Variants in NBEA observed in about 807,000 individuals in gnomAD.
The protein encoded by NBEA is neurobeachin.
NBEA carries 44 observed loss-of-function variants against 343.4 expected under a neutral mutation model. That is an observed-to-expected ratio of 0.13 (90% CI 0.10 to 0.16). The LOEUF is 0.16. NBEA is among the 10% of genes least tolerant of loss of function. NBEA has a pLI of 1.00. For missense variants in NBEA, 2,555 were observed against 3,631.3 expected (o/e 0.70, Z 7.62); for synonymous variants, 1,175 against 1,238.7 (o/e 0.95, Z 1.08).
At chr13:35,165,193 G>A (rs1216671888) in intron 24 of NBEA, 2 of 509,302 alleles carry the variant, frequency 3.9e-6, no homozygotes, top group Non-Finnish European at 8.0e-6. Flanking sequence ...TAGTTGGTGA[G>A]ACACTGTTTC....
At chr13:35,004,568 G>A (rs1035708122) in intron 1 of NBEA, among the ~76,000 whole-genome samples, 3 of 152,164 alleles carry the variant, frequency 2.0e-5, no homozygotes, top group Non-Finnish European at 4.4e-5. Flanking sequence ...TATGCCCTTT[G>A]AGGCTCTAAT....
At chr13:35,203,742 A>G (rs1176877241) in intron 31 of NBEA, among the ~76,000 whole-genome samples, 1 of 152,216 alleles carries the variant, frequency 6.6e-6, no homozygotes, top group East Asian at 1.9e-4. Flanking sequence ...ATTTATTAAA[A>G]TCATATAATC....
At chr13:35,604,574 C>T (rs927689739) in intron 47 of NBEA, among the ~76,000 whole-genome samples, 1 of 151,846 alleles carries the variant, frequency 6.6e-6, no homozygotes, top group Non-Finnish European at 1.5e-5. Context: ...TTTACTTTGT[C>T]ACCCAGTGTC....
chr13:34,960,212 C>T (rs1422724972), intron 1 of NBEA, among the ~76,000 whole-genome samples: 2 of 151,708 alleles, frequency 1.3e-5, no homozygotes, highest in Non-Finnish European at 2.9e-5. Flanking sequence ...TAGTTTTTAA[C>T]ACAAAAGTTT....
At chr13:35,080,965 G>C (rs541888161) in intron 10 of NBEA, among the ~76,000 whole-genome samples, 2 of 152,136 alleles carry the variant, frequency 1.3e-5, no homozygotes, top group Non-Finnish European at 2.9e-5. Flanking sequence ...TCCAATGTCA[G>C]ACCAAAGATG....
chr13:35,113,649 A>G (rs1266541806), intron 13 of NBEA, among the ~76,000 whole-genome samples: 2 of 149,522 alleles, frequency 1.3e-5, no homozygotes, highest in East Asian at 3.9e-4. Context: ...ATCATCTTTT[A>G]TATCAGTATG....
intron 1 of NBEA, among the ~76,000 whole-genome samples, chr13:35,026,517 T>G (rs2062025281): frequency 6.6e-6 from 1 of 152,192 alleles, no homozygotes; most frequent in South Asian, 2.1e-4. Flanking sequence ...CCATACCCAT[T>G]GCAAATCTCA....
chr13:35,489,005 CA>C (rs957457485), intron 41 of NBEA, among the ~76,000 whole-genome samples: 1 of 150,316 alleles, frequency 6.7e-6, no homozygotes, highest in African/African-American at 2.4e-5. Context: ...GTATGGGTGG[CA>C]AAAAAATTGC....
At chr13:35,109,244 T>C in intron 11 of NBEA, 46 bp from the exon 12 acceptor site, 2 of 1,481,236 alleles carry the variant, frequency 1.4e-6, no homozygotes, top group South Asian at 1.4e-5. Flanking sequence ...TTATACAATT[T>C]GATATTCTGG....
intron 38 of NBEA, among the ~76,000 whole-genome samples, chr13:35,397,868 T>G: frequency 6.6e-6 from 1 of 152,194 alleles, no homozygotes; most frequent in Admixed American, 6.6e-5. Flanking sequence ...ACCTTGATGT[T>G]GATGGCTGCT....
intron 10 of NBEA, among the ~76,000 whole-genome samples, chr13:35,079,926 A>G (rs1161918336): frequency 6.6e-6 from 1 of 152,154 alleles, no homozygotes; most frequent in Non-Finnish European, 1.5e-5. Context: ...GTGTCAAGAC[A>G]TACTGCATGG....
At chr13:35,302,460 A>T (rs984281682) in intron 35 of NBEA, among the ~76,000 whole-genome samples, 2 of 152,328 alleles carry the variant, frequency 1.3e-5, no homozygotes, top group African/African-American at 4.8e-5. Context: ...AAATAGCTGA[A>T]GAATTTTGAA....
At chr13:35,178,254 T>C (rs1000893914) in intron 28 of NBEA, among the ~76,000 whole-genome samples, 1 of 151,796 alleles carries the variant, frequency 6.6e-6, no homozygotes, top group Non-Finnish European at 1.5e-5. Flanking sequence ...GTTAAAACTC[T>C]TACAAATCTT....
chr13:35,055,800 A>T (rs2063234832), intron 6 of NBEA, among the ~76,000 whole-genome samples: 1 of 152,102 alleles, frequency 6.6e-6, no homozygotes, highest in Admixed American at 6.6e-5. Context: ...AAGGGGTTGT[A>T]GTTCTTGTCT....
At chr13:35,160,918 T>A (rs2069508515) in intron 22 of NBEA, among the ~76,000 whole-genome samples, 1 of 152,188 alleles carries the variant, frequency 6.6e-6, no homozygotes, top group Non-Finnish European at 1.5e-5. Context: ...CCCACTTGCC[T>A]TTTAATGTCA....
chr13:35,079,102 C>G (rs1388205676), intron 10 of NBEA, among the ~76,000 whole-genome samples: 1 of 151,992 alleles, frequency 6.6e-6, no homozygotes, highest in Non-Finnish European at 1.5e-5. Context: ...CAAAATGACC[C>G]TGTATGAAAT....
At chr13:35,659,182 A>G (rs1158986584) in intron 55 of NBEA, among the ~76,000 whole-genome samples, 1 of 152,180 alleles carries the variant, frequency 6.6e-6, no homozygotes, top group African/African-American at 2.4e-5. Context: ...GTATTAACCT[A>G]TCCTTGACGT....
intron 38 of NBEA, among the ~76,000 whole-genome samples, chr13:35,394,157 G>A (rs539318416): frequency 1.8e-4 from 28 of 152,024 alleles, no homozygotes; most frequent in Non-Finnish European, 3.7e-4. Context: ...ACTTCTTTTT[G>A]CTCCCAATCA....
chr13:35,525,325 G>T (rs1291068496), intron 41 of NBEA, among the ~76,000 whole-genome samples: 2 of 152,186 alleles, frequency 1.3e-5, no homozygotes, highest in African/African-American at 4.8e-5. Context: ...GCCGAGGTGG[G>T]TGGACCACCT....
Sources: allele counts gnomAD v4.1 joint callset (sites outside exome capture counted in the v4.1 genomes callset), GRCh38; gene constraint gnomAD v4.1.1; transcripts MANE v1.5; gene names NCBI Gene and HGNC (gene_info 2026-07-23, HGNC 2026-07-21).